CHODL: variants seen among roughly 807,000 people sequenced by gnomAD.
The protein encoded by CHODL is transmembrane protein MT75.
A neutral mutation model predicts 34.5 loss-of-function variants in CHODL; 29 were observed. That is an observed-to-expected ratio of 0.84 (90% CI 0.63 to 1.15). The LOEUF (loss-of-function observed/expected upper bound fraction) is 1.15. Ranked by LOEUF, CHODL falls within the 50% of genes most tolerant of loss-of-function variation. The pLI is 0.00. For missense variants in CHODL, 332 were observed against 332.5 expected (o/e 1.00, Z 0.01); for synonymous variants, 125 against 116.1 (o/e 1.08, Z -0.49).
At chr21:18,162,052 CTCT>C (rs1162985321) in intron 2 of CHODL, among the ~76,000 whole-genome samples, 3 of 152,152 alleles carry the variant, frequency 2.0e-5, no homozygotes, top group Non-Finnish European at 2.9e-5. Context: ...GTAATTTATG[CTCT>C]CTGCAAGTCA....
At position 17,978,057 on chromosome 21, in the gene CHODL, TA is replaced by T. The variant is rs781420967; in HGVS notation, c.-144-49814del. ...AGTGGCTTAAATCAAACCCATCTGT[TA>T]TCCCACAGTTCTGTAGGTCAGAAAT... On this transcript the variant is annotated intron_variant, in intron 1 of 6. Coordinates refer to the CHODL transcript ENST00000400127. Among the ~76,000 whole-genome samples the T allele has an allele frequency of 3.9e-5, 6 of 152,152 alleles. No individual in the cohort carries two copies. In the East Asian group the frequency reaches 1.2e-3, roughly 29 times the overall value.
At chr21:17,958,221 G>A (rs1012431973) in intron 1 of CHODL, among the ~76,000 whole-genome samples, 2 of 152,092 alleles carry the variant, frequency 1.3e-5, no homozygotes, top group Admixed American at 6.6e-5. Context: ...TTCTCCAGAG[G>A]AAATGATCCC....
At position 18,245,315 on chromosome 21, in the gene CHODL, C is replaced by T. The variant is rs1183253261; in HGVS notation, c.79+13C>T. 2 of 1,514,968 alleles carry T rather than the reference C, an allele frequency of 1.3e-6. No homozygotes were observed. The highest frequency in any genetic ancestry group is 2.6e-5 in the East Asian group (1 of 38,422). 93.8% of individuals were successfully genotyped at this position (1,514,968 alleles called of 1,614,324 possible). ...CGCGTGGTCAGCGGTGAGTCAGGGG[C>T]CGTCTCCCCGAAGAACGAGCGGGGA... On this transcript the variant is annotated intron_variant, in intron 1 of 5. Transcript: ENST00000299295.
chr21:18,217,431 A>G (rs934644260), intron 2 of CHODL, among the ~76,000 whole-genome samples: 1 of 152,144 alleles, frequency 6.6e-6, no homozygotes, highest in Non-Finnish European at 1.5e-5. Context: ...AGCCCCTTAC[A>G]AAACCATCAG....
chr21:18,253,850 G>T (rs1007441526), intron 1 of CHODL, among the ~76,000 whole-genome samples: 1 of 152,068 alleles, frequency 6.6e-6, no homozygotes, highest in Non-Finnish European at 1.5e-5. Flanking sequence ...TTTTTAGTGT[G>T]TTGCTGCTGG....
intron 2 of CHODL, among the ~76,000 whole-genome samples, chr21:18,239,253 A>T (rs2074058361): frequency 6.6e-6 from 1 of 152,064 alleles, no homozygotes; most frequent in African/African-American, 2.4e-5. Context: ...ACGGGTGCTG[A>T]TATCTATGGC....
intron 1 of CHODL, among the ~76,000 whole-genome samples, chr21:17,956,972 TA>T (rs964301829): frequency 2.6e-5 from 4 of 151,848 alleles, no homozygotes; most frequent in African/African-American, 9.7e-5. Context: ...GTGAACTGAG[TA>T]AAGAAGGTTG....
intron 1 of CHODL, among the ~76,000 whole-genome samples, chr21:17,989,984 A>G (rs1011951280): frequency 2.0e-5 from 3 of 152,010 alleles, no homozygotes; most frequent in African/African-American, 7.2e-5. Flanking sequence ...ATTTCACAAG[A>G]CCTTTGTCTC....
rs139359296 is a variant in CHODL, at chr21:18,256,997, C to T, written c.417C>T (p.Cys139=). 4.6e-5 allele frequency: 74 copies of T among 1,613,468 alleles called. No individual in the cohort carries two copies. Among genetic ancestry groups the T allele is most frequent in the African/African-American group, 1.9e-4 (14 of 74,974 alleles). ...YRNWYTDEPS[C]GSEKCVVMYH... ...ACTGGTACACAGATGAACCTTCCTG[C>T]GGAAGTGAAAAGTGTGTTGTGATGT... Residue 139 remains cysteine, a synonymous_variant, in exon 3 of 6, where the codon TGC becomes TGT. Coordinates refer to ENST00000299295, the MANE Select transcript of CHODL (RefSeq NM_024944.3).
chr21:18,176,293 A>G (rs965847577), intron 2 of CHODL, among the ~76,000 whole-genome samples: 13 of 152,330 alleles, frequency 8.5e-5, no homozygotes, highest in South Asian at 4.1e-4. Context: ...GTCCATTATT[A>G]GGGATACAGT....
intron 1 of CHODL, among the ~76,000 whole-genome samples, chr21:17,986,665 T>C (rs1342040709): frequency 6.6e-6 from 1 of 152,216 alleles, no homozygotes; most frequent in Non-Finnish European, 1.5e-5. Context: ...TTTATAATCG[T>C]TTGTGTATAT....
At chr21:18,208,259 A>C (rs1047149887) in intron 2 of CHODL, among the ~76,000 whole-genome samples, 1 of 149,836 alleles carries the variant, frequency 6.7e-6, no homozygotes, top group East Asian at 2.0e-4. Flanking sequence ...GATCAATTCT[A>C]TTAAGACTCT....
chr21:18,015,094 TC>T (rs1425008055), intron 1 of CHODL, among the ~76,000 whole-genome samples: 1 of 152,120 alleles, frequency 6.6e-6, no homozygotes, highest in African/African-American at 2.4e-5. Context: ...GACAATGAAG[TC>T]CAGTCTGATG....
intron 2 of CHODL, among the ~76,000 whole-genome samples, chr21:18,190,806 A>G (rs1447583213): frequency 1.3e-5 from 2 of 152,242 alleles, no homozygotes. Context: ...GATTTCACCA[A>G]TAATTGTCAT....
intron 1 of CHODL, among the ~76,000 whole-genome samples, chr21:18,249,092 T>A (rs561044098): frequency 6.2e-4 from 69 of 111,588 alleles, no homozygotes; most frequent in East Asian, 4.4e-4. Context: ...TATAATAAAA[T>A]ATATATATAT....
chr21:17,944,580 C>T (rs1229401083), intron 1 of CHODL, among the ~76,000 whole-genome samples: 2 of 152,176 alleles, frequency 1.3e-5, no homozygotes, highest in Admixed American at 1.3e-4. Context: ...TAGGGCCCAA[C>T]CTGCAGCCAT....
chr21:18,078,047 A>G (rs961798323), intron 2 of CHODL, among the ~76,000 whole-genome samples: 6 of 152,280 alleles, frequency 3.9e-5, no homozygotes, highest in South Asian at 4.1e-4. Flanking sequence ...AGGGTCTGCC[A>G]TTTACACGAT....
Position 18,266,096 on chromosome 21 carries a change from T to G in CHODL, c.*58T>G. Reference sequence around the variant, plus strand: ...TTCTGGATCTGTATAAGGAATGGCATCAGAACAATAGCTTGGAATGGCTTG... The same window carrying G: ...TTCTGGATCTGTATAAGGAATGGCAGCAGAACAATAGCTTGGAATGGCTTG... On this transcript the variant is annotated 3_prime_UTR_variant, in exon 6 of 6. Coordinates refer to ENST00000299295, the MANE Select transcript of CHODL (RefSeq NM_024944.3). 6.2e-7 allele frequency: 1 copy of G among 1,613,294 alleles called. No individual in the cohort carries two copies. The highest frequency in any genetic ancestry group is 8.5e-7 in the Non-Finnish European group (1 of 1,179,544).
At chr21:18,187,631 T>C (rs1283773928) in intron 2 of CHODL, among the ~76,000 whole-genome samples, 2 of 152,164 alleles carry the variant, frequency 1.3e-5, no homozygotes, top group Non-Finnish European at 2.9e-5. Context: ...TTGATGGATG[T>C]TTTCTTATAT....
Sources: allele counts gnomAD v4.1 joint callset (sites outside exome capture counted in the v4.1 genomes callset), GRCh38; gene constraint gnomAD v4.1.1; transcripts MANE v1.5; gene names NCBI Gene and HGNC (gene_info 2026-07-23, HGNC 2026-07-21).